The following PPP1R9A variants were observed in gnomAD, a reference collection of about 807,000 sequenced individuals.
PPP1R9A encodes the protein neurabin-1.
PPP1R9A carries 59 observed loss-of-function variants against 141.9 expected under a neutral mutation model. The observed-to-expected ratio is 0.42, with a 90% CI of 0.34 to 0.52. PPP1R9A has a LOEUF of 0.52. Ranked by LOEUF, PPP1R9A falls within the 20% of genes least tolerant of loss-of-function variation. The probability of loss-of-function intolerance (pLI) is 0.10; values close to 1 mark genes in which losing one functional copy is unlikely to be tolerated. For missense variants in PPP1R9A, 1,444 were observed against 1,611.9 expected, an observed-to-expected ratio of 0.90 and a Z score of 1.78; for synonymous variants, 500 against 569.7, an observed-to-expected ratio of 0.88 and a Z score of 1.74.
In PPP1R9A at chr7:95,293,852, T is replaced by A. The variant is rs1806702118; in HGVS notation, c.*3549T>A. 1.3e-5 allele frequency: 2 copies of A among 152,374 alleles called. No homozygotes were observed. The highest frequency in any genetic ancestry group is 4.8e-5 in the African/African-American group (2 of 41,588). The allele number at this position is 152,374 out of a possible 1,614,324, so 9.4% of individuals were successfully genotyped here. On this transcript the variant is annotated 3_prime_UTR_variant, in exon 20 of 20. Coordinates refer to ENST00000433360, the MANE Select transcript of PPP1R9A (RefSeq NM_001166160.2). ...TTTGCATTTATATAGATACTCTGAT[T>A]CATGTTTAAGTGTTAAAGGTTATGC...
At chr7:95,140,632 C>T (rs1269848055) in intron 4 of PPP1R9A, among the ~76,000 whole-genome samples, 1 of 152,168 alleles carries the variant, frequency 6.6e-6, no homozygotes, top group Non-Finnish European at 1.5e-5. Context: ...CCCAAGTGGT[C>T]TACCTATCTG....
chr7:95,094,858 C>A (rs111790121), intron 2 of PPP1R9A, among the ~76,000 whole-genome samples: 1 of 115,994 alleles, frequency 8.6e-6, no homozygotes, highest in Non-Finnish European at 1.6e-5. Context: ...CCAGCCTGGG[C>A]GACAGAGGGA....
At chr7:95,050,312 T>A (rs1213313621) in intron 2 of PPP1R9A, among the ~76,000 whole-genome samples, 1 of 152,042 alleles carries the variant, frequency 6.6e-6, no homozygotes, top group Non-Finnish European at 1.5e-5. Context: ...TTAATCAAAT[T>A]GATTGTTTTG....
intron 2 of PPP1R9A, among the ~76,000 whole-genome samples, chr7:94,980,726 A>G (rs1346610305): frequency 6.6e-6 from 1 of 151,738 alleles, no homozygotes; most frequent in Admixed American, 6.6e-5. Context: ...CCGCACAACT[A>G]TGGAGTATGT....
chr7:95,103,029 A>G (rs1818995840), intron 2 of PPP1R9A, among the ~76,000 whole-genome samples: 1 of 152,068 alleles, frequency 6.6e-6, no homozygotes, highest in South Asian at 2.1e-4. Context: ...GAAGACCTTC[A>G]TAGAAGAAGA....
At chr7:94,964,499 T>C (rs1382091942) in intron 2 of PPP1R9A, among the ~76,000 whole-genome samples, 1 of 152,094 alleles carries the variant, frequency 6.6e-6, no homozygotes, top group East Asian at 1.9e-4. Flanking sequence ...CCCCACCCGC[T>C]GACAGGCCCT....
At chr7:95,092,788 T>C (rs1438866227) in intron 2 of PPP1R9A, among the ~76,000 whole-genome samples, 1 of 152,226 alleles carries the variant, frequency 6.6e-6, no homozygotes, top group African/African-American at 2.4e-5. Context: ...AAGAGGATAG[T>C]CATCTAATAT....
At chr7:94,931,152 C>A (rs778959821) in intron 2 of PPP1R9A, among the ~76,000 whole-genome samples, 28 of 151,798 alleles carry the variant, frequency 1.8e-4, no homozygotes, top group Non-Finnish European at 3.7e-4. Context: ...GAATATTATT[C>A]TTCATCAGCA....
At chr7:94,964,732 C>A (rs1453538548) in intron 2 of PPP1R9A, among the ~76,000 whole-genome samples, 4 of 152,166 alleles carry the variant, frequency 2.6e-5, no homozygotes, top group Non-Finnish European at 4.4e-5. Flanking sequence ...TCCAGTCTGT[C>A]ATTGATGGGC....
At chr7:95,166,973 A>G (rs1201005709) in intron 5 of PPP1R9A, among the ~76,000 whole-genome samples, 1 of 152,200 alleles carries the variant, frequency 6.6e-6, no homozygotes, top group East Asian at 1.9e-4. Flanking sequence ...TCCCTTCATG[A>G]TGAAAACCCT....
At chr7:95,091,745 C>G (rs1318197086) in intron 2 of PPP1R9A, among the ~76,000 whole-genome samples, 1 of 151,024 alleles carries the variant, frequency 6.6e-6, no homozygotes, top group Non-Finnish European at 1.5e-5. Context: ...TGGCCCTTTG[C>G]AGTTGTGGGG....
intron 5 of PPP1R9A, among the ~76,000 whole-genome samples, chr7:95,188,566 G>C (rs901606493): frequency 1.4e-5 from 2 of 146,598 alleles, no homozygotes; most frequent in African/African-American, 5.0e-5. Context: ...GTTTGTTTTT[G>C]TTTGTGTGTG....
At chr7:94,966,206 TAAG>T (rs1798195585) in intron 2 of PPP1R9A, among the ~76,000 whole-genome samples, 1 of 152,242 alleles carries the variant, frequency 6.6e-6, no homozygotes, top group Non-Finnish European at 1.5e-5. Flanking sequence ...CTTATCAGCT[TAAG>T]GAGATTTTGG....
At chr7:95,186,758 C>T (rs1374492328) in intron 5 of PPP1R9A, among the ~76,000 whole-genome samples, 1 of 151,564 alleles carries the variant, frequency 6.6e-6, no homozygotes, top group Non-Finnish European at 1.5e-5. Context: ...GCTTTTCCTG[C>T]ATCTGTTGAT....
chr7:95,086,386 A>T (rs1816638400), intron 2 of PPP1R9A, among the ~76,000 whole-genome samples: 1 of 152,042 alleles, frequency 6.6e-6, no homozygotes, highest in South Asian at 2.1e-4. Flanking sequence ...TTACCTAAAA[A>T]AGATTTGGGG....
intron 2 of PPP1R9A, among the ~76,000 whole-genome samples, chr7:95,077,359 G>A (rs116675983): frequency 0.012 from 1,754 of 152,110 alleles, 43 homozygotes; most frequent in African/African-American, 0.039. Flanking sequence ...ACATGTTAGT[G>A]AATATGAGGA....
chr7:95,247,398 C>A (rs1391488936), intron 8 of PPP1R9A, 75 bp from the exon 9 acceptor site: 1 of 1,257,474 alleles, frequency 8.0e-7, no homozygotes, highest in South Asian at 1.3e-5. Flanking sequence ...ATAAGGCATT[C>A]TTGTAGCTGC....
rs746477390 is a variant in PPP1R9A at position 95,172,647 on chromosome 7, G to A, written c.1754+10676G>A. On this transcript the variant is annotated intron_variant, in intron 5 of 19. Transcript: ENST00000433360. ...GAACACAAAGACAATTTAAATGAGG[G>A]AAGAAGTAGACCATGTTCAATGTAT... 2.8e-4 allele frequency among the ~76,000 whole-genome samples: 43 copies of A among 151,834 alleles called. 1 individual carries two copies. Among genetic ancestry groups the A allele is most frequent in the Non-Finnish European group, 4.9e-4 (33 of 67,784 alleles).
At chr7:95,198,230 A>G in intron 5 of PPP1R9A, 119 bp from the exon 6 acceptor site, 1 of 866,076 alleles carries the variant, frequency 1.2e-6, no homozygotes, top group Non-Finnish European at 1.6e-6. Context: ...TGAAGTACGT[A>G]GGTGATATTA....
Sources: gnomAD v4.1 joint callset for allele counts (sites outside exome capture counted in the v4.1 genomes callset) on GRCh38, gnomAD v4.1.1 for gene constraint, MANE v1.5 for transcripts, NCBI Gene and HGNC (gene_info 2026-07-23, HGNC 2026-07-21) for gene names.